Variants in RAD51B observed in about 807,000 individuals in gnomAD.
RAD51B encodes the protein DNA repair protein RAD51 homolog 2.
Under a neutral mutation model 42.2 loss-of-function variants are expected in RAD51B, and 38 were observed. That is an observed-to-expected ratio of 0.90 (90% CI 0.70 to 1.18). The LOEUF (loss-of-function observed/expected upper bound fraction) is 1.18. Among genes scored for constraint, RAD51B ranks in the 50% most tolerant of loss-of-function variants. The pLI is 0.00. For missense variants in RAD51B, 373 were observed against 400.7 expected (o/e 0.93, Z 0.59); for synonymous variants, 154 against 145.2 (o/e 1.06, Z -0.43).
intron 7 of RAD51B, among the ~76,000 whole-genome samples, chr14:68,204,686 G>A (rs989731448): frequency 1.3e-5 from 2 of 152,156 alleles, no homozygotes; most frequent in Non-Finnish European, 2.9e-5. Context: ...TTAAGTGGTG[G>A]AAGATGTGAT....
At chr14:67,889,992 C>T (rs915337129) in intron 7 of RAD51B, among the ~76,000 whole-genome samples, 18 of 152,048 alleles carry the variant, frequency 1.2e-4, no homozygotes, top group Non-Finnish European at 2.2e-4. Context: ...ATGGAAGATG[C>T]GGAACCTTTG....
intron 8 of RAD51B, among the ~76,000 whole-genome samples, chr14:68,371,259 CT>C (rs1178173664): frequency 2.0e-5 from 3 of 151,840 alleles, no homozygotes; most frequent in African/African-American, 7.3e-5. Flanking sequence ...TGGCTTACGC[CT>C]GTAATCCCAG....
At chr14:68,503,566 A>G (rs1168476242) in intron 10 of RAD51B, among the ~76,000 whole-genome samples, 1 of 152,176 alleles carries the variant, frequency 6.6e-6, no homozygotes, top group Non-Finnish European at 1.5e-5. Flanking sequence ...GGTGACAAAC[A>G]GAGATTCAGA....
chr14:68,644,104 T>A (rs1892518835), intron 10 of RAD51B, among the ~76,000 whole-genome samples: 1 of 152,240 alleles, frequency 6.6e-6, no homozygotes, highest in Admixed American at 6.5e-5. Context: ...TCCAGGGGCC[T>A]TGTTTTAGGC....
At chr14:68,519,441 G>A (rs540101858) in intron 10 of RAD51B, among the ~76,000 whole-genome samples, 8 of 152,204 alleles carry the variant, frequency 5.3e-5, no homozygotes, top group African/African-American at 1.2e-4. Context: ...AAGAGTGGGC[G>A]TGCATCTGAC....
intron 4 of RAD51B, among the ~76,000 whole-genome samples, chr14:67,858,601 A>G (rs747587691): frequency 1.9e-4 from 29 of 152,234 alleles, no homozygotes; most frequent in Non-Finnish European, 3.4e-4. Context: ...CGAATTAGGA[A>G]AGGGTAGGTA....
chr14:67,861,098 T>C (rs1595018420), intron 4 of RAD51B, among the ~76,000 whole-genome samples: 1 of 151,778 alleles, frequency 6.6e-6, no homozygotes. Flanking sequence ...GTGGTGGAGG[T>C]GGGAGGATTG....
chr14:68,653,282 G>A (rs1181108793), intron 11 of RAD51B, among the ~76,000 whole-genome samples: 1 of 152,208 alleles, frequency 6.6e-6, no homozygotes, highest in Non-Finnish European at 1.5e-5. Context: ...GAGGCCAGGG[G>A]TTGGAGACTG....
chr14:68,136,226 A>G (rs1595452162), intron 7 of RAD51B, among the ~76,000 whole-genome samples: 3 of 152,294 alleles, frequency 2.0e-5, no homozygotes, highest in South Asian at 2.1e-4. Flanking sequence ...ATTATTTGCT[A>G]TCCAGTCATC....
intron 7 of RAD51B, among the ~76,000 whole-genome samples, chr14:68,192,579 T>C (rs2079288667): frequency 6.6e-6 from 1 of 152,198 alleles, no homozygotes; most frequent in South Asian, 2.1e-4. Flanking sequence ...ATATGTTGGC[T>C]CTCTGAAAAC....
At chr14:68,042,054 G>A (rs2076226587) in intron 7 of RAD51B, among the ~76,000 whole-genome samples, 2 of 152,168 alleles carry the variant, frequency 1.3e-5, no homozygotes, top group Non-Finnish European at 2.9e-5. Context: ...TATAGATTCT[G>A]AAGTACTCCA....
chr14:68,517,238 G>A (rs1354326365), intron 10 of RAD51B, among the ~76,000 whole-genome samples: 4 of 150,812 alleles, frequency 2.7e-5, no homozygotes, highest in African/African-American at 7.5e-5. Context: ...GGGAAGGAAA[G>A]GAAAGGGAAG....
chr14:68,583,438 T>C (rs1222272168), intron 10 of RAD51B, among the ~76,000 whole-genome samples: 2 of 152,224 alleles, frequency 1.3e-5, no homozygotes, highest in Non-Finnish European at 2.9e-5. Context: ...TGTCCAAATA[T>C]TTGAAAGTTA....
At chr14:68,550,112 G>A (rs1489926248) in intron 10 of RAD51B, among the ~76,000 whole-genome samples, 2 of 152,170 alleles carry the variant, frequency 1.3e-5, no homozygotes, top group East Asian at 3.9e-4. Context: ...TCACTCACTG[G>A]AGTGCTCACT....
intron 10 of RAD51B, among the ~76,000 whole-genome samples, chr14:68,637,619 A>G (rs1222255778): frequency 6.6e-6 from 1 of 152,230 alleles, no homozygotes. Context: ...TTTGTCAGCA[A>G]CATTTGGATC....
intron 10 of RAD51B, among the ~76,000 whole-genome samples, chr14:68,591,525 T>C (rs1890739719): frequency 6.6e-6 from 1 of 152,034 alleles, no homozygotes; most frequent in Non-Finnish European, 1.5e-5. Context: ...ATCGATATCC[T>C]TCCAATGACT....
chr14:68,189,088 G>A (rs1038141024), intron 7 of RAD51B, among the ~76,000 whole-genome samples: 6 of 151,584 alleles, frequency 4.0e-5, no homozygotes, highest in African/African-American at 1.5e-4. Flanking sequence ...TTTTTATTGT[G>A]TAATTTATTG....
At chr14:68,296,911 A>G (rs992998712) in intron 8 of RAD51B, among the ~76,000 whole-genome samples, 17 of 152,222 alleles carry the variant, frequency 1.1e-4, no homozygotes, top group African/African-American at 3.6e-4. Context: ...TGGATAGGTC[A>G]AGGAAAGAAC....
At chr14:68,388,109 T>TTTA (rs2083647523) in intron 8 of RAD51B, among the ~76,000 whole-genome samples, 4 of 143,794 alleles carry the variant, frequency 2.8e-5, no homozygotes, top group African/African-American at 1.1e-4. Flanking sequence ...TTTTTTTTTT[T>TTTA]AATTGAGGCA....
Sources: allele counts gnomAD v4.1 joint callset (sites outside exome capture counted in the v4.1 genomes callset), GRCh38; gene constraint gnomAD v4.1.1; transcripts MANE v1.5; gene names NCBI Gene and HGNC (gene_info 2026-07-23, HGNC 2026-07-21).